PIBF1: variants seen among roughly 807,000 people sequenced by gnomAD.
PIBF1 encodes the protein progesterone-induced-blocking factor 1.
PIBF1 carries 90 observed loss-of-function variants against 112.5 expected under a neutral mutation model. The ratio of observed to expected loss-of-function variants is 0.80; its 90% confidence interval spans 0.67 to 0.95. The LOEUF is 0.95. PIBF1 is among the 40% of genes least tolerant of loss of function. The pLI, the probability that PIBF1 is intolerant of heterozygous loss-of-function variation, is 0.00. For synonymous variants in PIBF1, 301 were observed against 288.6 expected (o/e 1.04, Z -0.44); for missense variants, 915 against 852.3 (o/e 1.07, Z -0.92).
At chr13:72,860,900 C>T (rs2038665371) in intron 10 of PIBF1, among the ~76,000 whole-genome samples, 1 of 152,168 alleles carries the variant, frequency 6.6e-6, no homozygotes, top group Admixed American at 6.5e-5. Context: ...TTTTCATGAA[C>T]ATGAACAGTT....
At chr13:72,902,901 CTTT>C (rs113529963) in intron 11 of PIBF1, among the ~76,000 whole-genome samples, 1 of 143,230 alleles carries the variant, frequency 7.0e-6, no homozygotes, top group Non-Finnish European at 1.5e-5. Flanking sequence ...GGAAATAAAT[CTTT>C]TTTTTTTTTT....
chr13:72,978,174 TAAAG>T (rs1392639683), intron 16 of PIBF1, among the ~76,000 whole-genome samples: 1 of 152,234 alleles, frequency 6.6e-6, no homozygotes, highest in Non-Finnish European at 1.5e-5. Flanking sequence ...TTTATTTTAT[TAAAG>T]AACAGTTTAA....
chr13:72,990,653 G>C (rs901336668), intron 16 of PIBF1, among the ~76,000 whole-genome samples: 10 of 151,852 alleles, frequency 6.6e-5, no homozygotes, highest in African/African-American at 2.4e-4. Context: ...TTTGAGACCA[G>C]CCTGGCCAAC....
rs563422363 is a variant in PIBF1, at chr13:72,905,308, C to T, written c.1489-3223C>T. Among the ~76,000 whole-genome samples the T allele has an allele frequency of 7.2e-5, 11 of 151,888 alleles. No individual in the cohort carries two copies. In the East Asian group the frequency reaches 1.6e-3, roughly 22 times the overall value. ...GTCTTGAACTGCTGACCTCGTGATC[C>T]GCACATCTCAGCCTCCCAAAGTGCT... On this transcript the variant is annotated intron_variant, in intron 11 of 17. Transcript: ENST00000326291.
intron 10 of PIBF1, among the ~76,000 whole-genome samples, chr13:72,888,675 G>T (rs1461389073): frequency 6.6e-6 from 1 of 151,418 alleles, no homozygotes; most frequent in African/African-American, 2.4e-5. Flanking sequence ...TATAGCAAAT[G>T]AAAAGAATGA....
At chr13:72,815,910 A>ATG (rs2036248949) in intron 5 of PIBF1, among the ~76,000 whole-genome samples, 1 of 152,260 alleles carries the variant, frequency 6.6e-6, no homozygotes, top group Admixed American at 6.5e-5. Flanking sequence ...GGGGGTTAAT[A>ATG]TGTGATACTT....
At chr13:73,013,252 G>GATC (rs1237969646) in intron 17 of PIBF1, among the ~76,000 whole-genome samples, 1 of 136,016 alleles carries the variant, frequency 7.4e-6, no homozygotes, top group Non-Finnish European at 1.5e-5. Flanking sequence ...AGTGAGCCGA[G>GATC]ATCGCGCCAC....
At chr13:72,865,362 C>T (rs890861866) in intron 10 of PIBF1, among the ~76,000 whole-genome samples, 7 of 152,114 alleles carry the variant, frequency 4.6e-5, no homozygotes, top group Non-Finnish European at 7.4e-5. Flanking sequence ...GGCCGTTTGA[C>T]TAAAACTTTA....
At chr13:72,876,608 T>G (rs1478674699) in intron 10 of PIBF1, among the ~76,000 whole-genome samples, 1 of 152,024 alleles carries the variant, frequency 6.6e-6, no homozygotes, top group African/African-American at 2.4e-5. Context: ...CTTATCGGAG[T>G]TTTTAGTTTT....
chr13:72,798,719 A>G (rs2035318402), intron 5 of PIBF1, among the ~76,000 whole-genome samples: 1 of 152,210 alleles, frequency 6.6e-6, no homozygotes, highest in African/African-American at 2.4e-5. Flanking sequence ...CAAAAAAATA[A>G]TGGTAGATTG....
chr13:72,835,337 G>A lies in PIBF1; in HGVS notation c.1192G>A (p.Ala398Thr), dbSNP rs115984555. ...CCAAGAAATTGATCAACTTCGAAAT[G>A]CCTCTAGGGAAATGTATGAACGAGA... ...TNQEIDQLRN[A>T]SREMYERENR... Residue 398 changes from alanine (A) to threonine (T), a missense_variant, in exon 9 of 18, where the codon GCC (alanine) becomes ACC (threonine). Ala to Thr is a moderately conservative substitution (Grantham distance 58). Coordinates refer to ENST00000326291, the MANE Select transcript of PIBF1 (RefSeq NM_006346.4). The A allele has an allele frequency of 5.0e-6, 8 of 1,589,028 alleles. No individual in the cohort carries two copies. In the African/African-American group the frequency reaches 9.6e-5, roughly 19 times the overall value.
intron 2 of PIBF1, among the ~76,000 whole-genome samples, chr13:72,790,788 G>GA (rs1488669442): frequency 2.0e-5 from 3 of 151,940 alleles, no homozygotes; most frequent in Non-Finnish European, 2.9e-5. Context: ...TAAATAGGCA[G>GA]AAAAAAACAA....
intron 17 of PIBF1, among the ~76,000 whole-genome samples, chr13:73,005,808 G>A (rs1282210155): frequency 6.6e-6 from 1 of 152,032 alleles, no homozygotes; most frequent in African/African-American, 2.4e-5. Flanking sequence ...GAACTTGCTG[G>A]TAGATTGAAG....
intron 10 of PIBF1, 111 bp from the exon 11 acceptor site, chr13:72,893,670 AATT>A: frequency 7.4e-6 from 4 of 537,940 alleles, no homozygotes; most frequent in Non-Finnish European, 3.0e-6. Context: ...AATAAATATA[AATT>A]ATTAACTCCA....
chr13:72,961,253 C>T (rs1282414820), intron 14 of PIBF1, among the ~76,000 whole-genome samples: 1 of 152,056 alleles, frequency 6.6e-6, no homozygotes, highest in African/African-American at 2.4e-5. Flanking sequence ...ACAATGTTCT[C>T]ATTACTATCC....
intron 5 of PIBF1, among the ~76,000 whole-genome samples, chr13:72,807,796 C>G (rs2035809932): frequency 6.6e-6 from 1 of 152,150 alleles, no homozygotes; most frequent in African/African-American, 2.4e-5. Context: ...AATTGATCAC[C>G]TGCCCCAGAG....
chr13:72,922,006 G>A (rs1204007739), intron 13 of PIBF1, among the ~76,000 whole-genome samples: 1 of 152,128 alleles, frequency 6.6e-6, no homozygotes, highest in African/African-American at 2.4e-5. Flanking sequence ...ATTTTTAAGA[G>A]TCTCACTCTG....
intron 14 of PIBF1, among the ~76,000 whole-genome samples, chr13:72,943,322 A>C (rs2042061701): frequency 6.6e-6 from 1 of 152,172 alleles, no homozygotes; most frequent in South Asian, 2.1e-4. Context: ...ACAATAATTT[A>C]TTGTATATTT....
At position 72,826,193 on chromosome 13, in the gene PIBF1, A is replaced by G. The variant is rs553430695; in HGVS notation, c.807-817A>G. Among the ~76,000 whole-genome samples the G allele has an allele frequency of 2.6e-5, 4 of 152,272 alleles. No homozygotes were observed. The South Asian group carries it at 6.2e-4, about 24-fold the overall frequency. On this transcript the variant is annotated intron_variant, in intron 6 of 17. Transcript: ENST00000326291. ...GTATAGTAATATGTATCAGAATAGTAATACTGATAGTCATCTTTACTTATT... is the reference window on the plus strand; with the variant it reads ...GTATAGTAATATGTATCAGAATAGTGATACTGATAGTCATCTTTACTTATT...
Sources: gnomAD v4.1 joint callset for allele counts (sites outside exome capture counted in the v4.1 genomes callset) on GRCh38, gnomAD v4.1.1 for gene constraint, MANE v1.5 for transcripts, NCBI Gene and HGNC (gene_info 2026-07-23, HGNC 2026-07-21) for gene names.